GABRA3: variants seen among roughly 807,000 people sequenced by gnomAD.
The protein encoded by GABRA3 is gamma-aminobutyric acid type A receptor subunit alpha3, also known as gamma-aminobutyric acid receptor subunit alpha-3.
GABRA3 carries 10 observed loss-of-function variants against 30.1 expected under a neutral mutation model. That is an observed-to-expected ratio of 0.33 (90% CI 0.20 to 0.56). GABRA3 has a LOEUF of 0.56. GABRA3 is among the 20% of genes least tolerant of loss of function. The pLI is 0.89. For synonymous variants in GABRA3, 151 were observed against 146.8 expected (o/e 1.03, Z -0.21); for missense variants, 233 against 392.0 (o/e 0.59, Z 3.42).
intron 5 of GABRA3, among the ~76,000 whole-genome samples, chrX:152,228,680 C>A (rs1938011326): frequency 9.0e-6 from 1 of 111,630 alleles, no homozygotes; most frequent in Non-Finnish European, 1.9e-5. Context: ...AGTCATGAAA[C>A]CCCTTTTATG....
chrX:152,197,602 T>A (rs371255436), intron 8 of GABRA3, 31 bp downstream of exon 8: 1 of 1,163,156 alleles, frequency 8.6e-7, no homozygotes, highest in South Asian at 2.0e-5. Flanking sequence ...ATGATAAGAC[T>A]TTCCCCTACG....
At chrX:152,290,555 T>G (rs1371102480) in intron 3 of GABRA3, among the ~76,000 whole-genome samples, 1 of 112,217 alleles carries the variant, frequency 8.9e-6, no homozygotes, top group Non-Finnish European at 1.9e-5. Flanking sequence ...TTGTTGCCAT[T>G]GCTTTTGGTG....
chrX:152,310,534 C>A (rs1302539977), intron 3 of GABRA3, among the ~76,000 whole-genome samples: 1 of 110,993 alleles, frequency 9.0e-6, no homozygotes, highest in Non-Finnish European at 1.9e-5. Context: ...TATGACACAC[C>A]AGAATCTCCA....
chrX:152,198,830 A>T (rs916247429), intron 7 of GABRA3, among the ~76,000 whole-genome samples: 1 of 112,106 alleles, frequency 8.9e-6, no homozygotes, highest in Non-Finnish European at 1.9e-5. Flanking sequence ...TATAACTTCT[A>T]CCTGGGCTTC....
chrX:152,189,799 A>G lies in GABRA3; in HGVS notation c.1074T>C (p.Thr358=). 1 of 1,210,578 alleles carries G rather than the reference A, an allele frequency of 8.3e-7. No individual in the cohort carries two copies. The change falls in exon 9 of 10, where the codon ACT becomes ACC. Residue 358 remains threonine, a synonymous_variant. Coordinates refer to ENST00000370314, the MANE Select transcript of GABRA3 (RefSeq NM_000808.4). The part of the protein sequence containing the change: ...FVFSALIEFA[T]VNYFTKRSWA... Reference sequence around the variant, plus strand: ...AACTCCGCTTGGTGAAATAGTTGACAGTGGCAAATTCAATCAGTGCAGAAA... The same window carrying G: ...AACTCCGCTTGGTGAAATAGTTGACGGTGGCAAATTCAATCAGTGCAGAAA...
chrX:152,279,673 T>G (rs1338054592), intron 4 of GABRA3, among the ~76,000 whole-genome samples: 1 of 111,640 alleles, frequency 9.0e-6, no homozygotes, highest in African/African-American at 3.3e-5. Context: ...TTGATGGGGA[T>G]GGCAATGAAT....
At chrX:152,200,628 G>C (rs1937471497) in intron 7 of GABRA3, among the ~76,000 whole-genome samples, 1 of 110,426 alleles carries the variant, frequency 9.1e-6, no homozygotes, top group Admixed American at 9.7e-5. Flanking sequence ...CATGAGAGTT[G>C]GACTTTGATG....
intron 3 of GABRA3, among the ~76,000 whole-genome samples, chrX:152,291,336 A>G (rs369706995): frequency 9.0e-6 from 1 of 111,459 alleles, no homozygotes; most frequent in Non-Finnish European, 1.9e-5. Flanking sequence ...GTATAGGAAT[A>G]CTTGTGATTT....
chrX:152,199,649 A>C, intron 7 of GABRA3, among the ~76,000 whole-genome samples: 1 of 111,019 alleles, frequency 9.0e-6, no homozygotes, highest in Non-Finnish European at 1.9e-5. Flanking sequence ...ATTAGACATC[A>C]CTACTTGGGG....
chrX:152,418,018 T>C (rs761256060), intron 1 of GABRA3, among the ~76,000 whole-genome samples: 2 of 105,877 alleles, frequency 1.9e-5, no homozygotes, highest in Non-Finnish European at 3.9e-5. Flanking sequence ...TAAAACTTAA[T>C]GTATAATAAA....
intron 9 of GABRA3, among the ~76,000 whole-genome samples, chrX:152,173,664 C>T (rs896611761): frequency 9.1e-6 from 1 of 110,492 alleles, no homozygotes; most frequent in African/African-American, 3.3e-5. Context: ...TCCATTTGGT[C>T]AGGCTGGTCT....
At chrX:152,322,536 C>G (rs1383889972) in intron 3 of GABRA3, among the ~76,000 whole-genome samples, 80 of 101,074 alleles carry the variant, frequency 7.9e-4, no homozygotes, top group Non-Finnish European at 9.7e-4. Flanking sequence ...AAAGTCAACT[C>G]TTTTTTTTTT....
chrX:152,265,900 T>C (rs1938814848), intron 4 of GABRA3, among the ~76,000 whole-genome samples: 1 of 111,065 alleles, frequency 9.0e-6, no homozygotes, highest in Non-Finnish European at 1.9e-5. Flanking sequence ...ATTGAGAAAT[T>C]CTAAGACACA....
chrX:152,319,239 T>C (rs1386002822), intron 3 of GABRA3, among the ~76,000 whole-genome samples: 3 of 111,433 alleles, frequency 2.7e-5, no homozygotes, highest in African/African-American at 9.8e-5. Context: ...CTAAAATTCA[T>C]ATGGAACCAA....
chrX:152,363,981 G>T (rs1928581257), intron 2 of GABRA3, among the ~76,000 whole-genome samples: 1 of 111,012 alleles, frequency 9.0e-6, no homozygotes, highest in Admixed American at 9.7e-5. Flanking sequence ...GAGGTAAATA[G>T]ATGCAATGAA....
At chrX:152,437,809 C>T (rs760475418) in intron 1 of GABRA3, among the ~76,000 whole-genome samples, 22 of 112,044 alleles carry the variant, frequency 2.0e-4, no homozygotes, top group African/African-American at 6.8e-4. Context: ...TGGTCATCCA[C>T]TTGCAGAAAA....
chrX:152,238,284 C>T, intron 5 of GABRA3, among the ~76,000 whole-genome samples: 1 of 94,897 alleles, frequency 1.1e-5, no homozygotes, highest in Non-Finnish European at 2.0e-5. Context: ...TGTTTATATG[C>T]TGGATTACAT....
intron 9 of GABRA3, among the ~76,000 whole-genome samples, chrX:152,182,636 T>C (rs1486602936): frequency 1.4e-4 from 1 of 7,070 alleles, no homozygotes; most frequent in Non-Finnish European, 2.8e-4. Context: ...ATATACACTA[T>C]ATATACACTA....
At chrX:152,437,910 A>G (rs753824212) in intron 1 of GABRA3, among the ~76,000 whole-genome samples, 66 of 112,310 alleles carry the variant, frequency 5.9e-4, no homozygotes, top group Non-Finnish European at 1.2e-3. Flanking sequence ...AAAAAGTCCT[A>G]GAAGACAAAA....
Sources: gnomAD v4.1 joint callset for allele counts (sites outside exome capture counted in the v4.1 genomes callset) on GRCh38, gnomAD v4.1.1 for gene constraint, MANE v1.5 for transcripts, NCBI Gene and HGNC (gene_info 2026-07-23, HGNC 2026-07-21) for gene names.